Variants in RAD17 observed in about 807,000 individuals in gnomAD.
RAD17 encodes cell cycle checkpoint protein RAD17.
In RAD17, 31 loss-of-function variants were observed where a neutral mutation model predicts 81.5. The ratio of observed to expected loss-of-function variants is 0.38; its 90% CI spans 0.29 to 0.51. The LOEUF is 0.51. Among genes scored for constraint, RAD17 ranks in the 20% least tolerant of loss-of-function variants. The pLI is 0.88. For synonymous variants in RAD17, 261 were observed against 266.2 expected (o/e 0.98, Z 0.19); for missense variants, 681 against 781.2 (o/e 0.87, Z 1.53).
At chr5:69,387,868 GA>G (rs565912246) in intron 11 of RAD17, among the ~76,000 whole-genome samples, 8 of 151,732 alleles carry the variant, frequency 5.3e-5, no homozygotes, top group Admixed American at 5.3e-4. Context: ...CCAAAAAAAA[GA>G]AAAAAAATTA....
intron 6 of RAD17, among the ~76,000 whole-genome samples, chr5:69,378,537 A>C (rs1763649734): frequency 6.6e-6 from 1 of 152,226 alleles, no homozygotes. Flanking sequence ...AGTTCTCATT[A>C]TTCAAGGTAG....
In RAD17 at chr5:69,397,636, A is replaced by C. The variant is rs17230123; in HGVS notation, c.1572+1090A>C. On this transcript the variant is annotated intron_variant, in intron 16 of 18. Transcript: ENST00000354868. ...AAAAAATTGTAAATAAATAAACCCT[A>C]GTTCAACCTGAGAATGCTGATTGGA... Among the ~76,000 whole-genome samples the C allele has an allele frequency of 5.3e-4, 81 of 152,294 alleles. 2 individuals carry two copies. The South Asian group carries it at 0.017, about 32-fold the overall frequency.
chr5:69,372,559 A>C (rs17236205), intron 4 of RAD17, among the ~76,000 whole-genome samples: 2,826 of 152,228 alleles, frequency 0.019, 79 homozygotes, highest in East Asian at 0.11. Context: ...AAATCTAGTA[A>C]AAATTTCTAA....
rs1228522109 is a variant in RAD17, at chr5:69,377,497, GTA to G, written c.351+2794_351+2795del. ...TATACACACACACACATATATATAC[GTA>G]TATATATGTATATATACGTATATAT... On this transcript the variant is annotated intron_variant, in intron 6 of 18. Transcript: ENST00000354868. Among the ~76,000 whole-genome samples the G allele has an allele frequency of 1.6e-3, 88 of 55,030 alleles. 5 individuals carry two copies. In the Middle Eastern group the frequency reaches 0.038, roughly 24 times the overall value. The allele number at this position is 55,030 out of a possible 152,430, so 36.1% of individuals were successfully genotyped here.
chr5:69,401,477 AC>A (rs1386102937), intron 17 of RAD17, among the ~76,000 whole-genome samples: 2 of 143,634 alleles, frequency 1.4e-5, no homozygotes, highest in Non-Finnish European at 3.0e-5. Context: ...TTTCAGTATT[AC>A]AAAAATGCCT....
Position 69,373,955 on chromosome 5 carries a change from A to G in RAD17, c.135A>G (p.Leu45=), listed in dbSNP as rs17236212. ...GAAGAAAAAATGGGCCTTCTACATTAGAAAGCAGCAGATTTCCAGCGAGAA... is the reference window on the plus strand; with the variant it reads ...GAAGAAAAAATGGGCCTTCTACATTGGAAAGCAGCAGATTTCCAGCGAGAA... The part of the protein sequence containing the change: ...SHRRKNGPST[L]ESSRFPARKR... The change falls in exon 5 of 19, where the codon TTA becomes TTG. Residue 45 remains leucine, a synonymous_variant. Coordinates refer to ENST00000354868, the MANE Select transcript of RAD17 (RefSeq NM_133338.3). The G allele has an allele frequency of 4.3e-5, 69 of 1,613,568 alleles. No individual in the cohort carries two copies. The highest frequency in any genetic ancestry group is 5.3e-5 in the Non-Finnish European group (62 of 1,179,740).
At chr5:69,409,437 G>T (rs528940806) in intron 17 of RAD17, among the ~76,000 whole-genome samples, 1 of 152,162 alleles carries the variant, frequency 6.6e-6, no homozygotes, top group Non-Finnish European at 1.5e-5. Context: ...CTCAGCTCAG[G>T]GTTGGGAATG....
At chr5:69,395,130 C>T (rs1445472934) in intron 15 of RAD17, among the ~76,000 whole-genome samples, 5 of 152,322 alleles carry the variant, frequency 3.3e-5, no homozygotes, top group African/African-American at 1.2e-4. Context: ...TATAGAGCTT[C>T]ATTACTCAGC....
intron 16 of RAD17, among the ~76,000 whole-genome samples, chr5:69,399,465 A>G (rs1320831771): frequency 3.3e-5 from 5 of 152,176 alleles, no homozygotes; most frequent in African/African-American, 1.2e-4. Flanking sequence ...TCCAGTTCTA[A>G]AATCATACAG....
chr5:69,406,168 G>A (rs1022568676), intron 17 of RAD17, among the ~76,000 whole-genome samples: 1 of 152,054 alleles, frequency 6.6e-6, no homozygotes, highest in African/African-American at 2.4e-5. Context: ...ATTGGATGAG[G>A]AAAACATGGT....
In RAD17 at chr5:69,405,104, AATG is replaced by A. The variant is rs1271931931; in HGVS notation, c.1693+4938_1693+4940del. 4.6e-5 allele frequency among the ~76,000 whole-genome samples: 7 copies of A among 152,316 alleles called. No individual in the cohort carries two copies. In the East Asian group the frequency reaches 5.8e-4, roughly 13 times the overall value. Reference sequence around the variant, plus strand: ...TTAGAATGGCCGTTACCAAAAGATAAATGATAACAAACGTTGGCTAGGGTGTGG... The same window carrying A: ...TTAGAATGGCCGTTACCAAAAGATAAATAACAAACGTTGGCTAGGGTGTGG... On this transcript the variant is annotated intron_variant, in intron 17 of 18. Transcript: ENST00000354868.
chr5:69,394,352 C>G (rs1210064237), intron 15 of RAD17, among the ~76,000 whole-genome samples: 1 of 151,956 alleles, frequency 6.6e-6, no homozygotes, highest in Non-Finnish European at 1.5e-5. Context: ...AGTGAGCCAC[C>G]ATGCCCAGCC....
chr5:69,401,487 C>T (rs1365431273), intron 17 of RAD17, among the ~76,000 whole-genome samples: 1 of 122,664 alleles, frequency 8.2e-6, no homozygotes, highest in Non-Finnish European at 1.8e-5. Context: ...ACAAAAATGC[C>T]TATTAATAGT....
At chr5:69,369,415 CGCCCCCA>C (rs1561225776), upstream of RAD17, 1 of 1,597,814 alleles carries the variant, frequency 6.3e-7, no homozygotes, top group South Asian at 1.1e-5. Context: ...GAGCACTCTG[CGCCCCCA>C]GCCTGCCCCA....
chr5:69,387,242 G>T (rs17236331), intron 11 of RAD17, among the ~76,000 whole-genome samples: 2,350 of 151,978 alleles, frequency 0.015, 40 homozygotes, highest in South Asian at 0.034. Flanking sequence ...CTTTTAGTAC[G>T]TCATTTTTTC....
At chr5:69,369,490 T>G (rs767191734), upstream of RAD17, 21 of 1,611,344 alleles carry the variant, frequency 1.3e-5, no homozygotes, top group Non-Finnish European at 1.8e-5. Flanking sequence ...GGAAGCAACA[T>G]GGTCCCCGCC....
At chr5:69,405,625 C>T (rs1247303172) in intron 17 of RAD17, among the ~76,000 whole-genome samples, 1 of 151,568 alleles carries the variant, frequency 6.6e-6, no homozygotes, top group Non-Finnish European at 1.5e-5. Context: ...CACGATCACG[C>T]CATTGCACCC....
At chr5:69,392,150 T>A in intron 13 of RAD17, 137 bp downstream of exon 13, 1 of 653,554 alleles carries the variant, frequency 1.5e-6, no homozygotes, top group Non-Finnish European at 2.4e-6. Flanking sequence ...ACTGTTTGCC[T>A]AGGCCTAAGA....
chr5:69,410,615 GAATC>G, intron 18 of RAD17, 65 bp downstream of exon 18: 1 of 1,369,286 alleles, frequency 7.3e-7, no homozygotes, highest in South Asian at 1.2e-5. Flanking sequence ...TGTTCAGTAT[GAATC>G]AATAACTGTT....
Sources: allele counts gnomAD v4.1 joint callset (sites outside exome capture counted in the v4.1 genomes callset), GRCh38; gene constraint gnomAD v4.1.1; transcripts MANE v1.5; gene names NCBI Gene and HGNC (gene_info 2026-07-23, HGNC 2026-07-21).